POU2F3: variants seen among roughly 807,000 people sequenced by gnomAD.
POU2F3 encodes the protein POU class 2 homeobox 3.
A neutral mutation model predicts 59.2 loss-of-function variants in POU2F3; 23 were observed. That is an observed-to-expected ratio of 0.39 (90% confidence interval 0.28 to 0.55). The LOEUF is 0.55. Ranked by LOEUF, POU2F3 falls within the 20% of genes least tolerant of loss-of-function variation. The pLI is 0.66. For missense variants in POU2F3, 473 were observed against 544.5 expected (o/e 0.87, Z 1.31); for synonymous variants, 190 against 214.6 (o/e 0.89, Z 1.00).
intron 2 of POU2F3, among the ~76,000 whole-genome samples, chr11:120,254,586 C>A (rs1207692849): frequency 6.6e-6 from 1 of 152,200 alleles, no homozygotes; most frequent in Non-Finnish European, 1.5e-5. Flanking sequence ...AAAGCAGGAG[C>A]CCTTCCTCTC....
At chr11:120,305,911 C>A in intron 8 of POU2F3, 126 bp downstream of exon 8, 1 of 1,204,486 alleles carries the variant, frequency 8.3e-7, no homozygotes. Flanking sequence ...GAGACTGGAG[C>A]CGATGGAGAA....
chr11:120,286,211 C>T (rs2135247772), intron 3 of POU2F3, among the ~76,000 whole-genome samples: 1 of 152,284 alleles, frequency 6.6e-6, no homozygotes, highest in South Asian at 2.1e-4. Context: ...CATAATCTTA[C>T]TTTTCCATTC....
At chr11:120,270,978 C>T (rs1183657441) in intron 3 of POU2F3, among the ~76,000 whole-genome samples, 2 of 152,116 alleles carry the variant, frequency 1.3e-5, no homozygotes, top group Admixed American at 6.5e-5. Flanking sequence ...ACAGGTGTGA[C>T]CCACAGTGCC....
intron 6 of POU2F3, 53 bp from the exon 7 acceptor site, chr11:120,304,977 A>AAT: frequency 1.8e-6 from 2 of 1,138,520 alleles, no homozygotes; most frequent in Non-Finnish European, 2.5e-6. Context: ...AAAAATCAGA[A>AAT]AATGTTATTT....
intron 9 of POU2F3, among the ~76,000 whole-genome samples, chr11:120,307,991 A>G (rs1261054634): frequency 6.6e-6 from 1 of 152,234 alleles, no homozygotes; most frequent in African/African-American, 2.4e-5. Context: ...TCTATGCAGT[A>G]CATTTTGTAT....
intron 9 of POU2F3, 65 bp from the exon 10 acceptor site, chr11:120,309,360 G>A: frequency 6.8e-7 from 1 of 1,474,980 alleles, no homozygotes. Context: ...TGTTTCTTTG[G>A]GACCTCTGTT....
At chr11:120,317,106 T>C in intron 11 of POU2F3, 123 bp from the exon 12 acceptor site, 3 of 1,171,690 alleles carry the variant, frequency 2.6e-6, no homozygotes, top group East Asian at 2.4e-5. Flanking sequence ...TGGGTGTGGC[T>C]AGGGAGAGGG....
At chr11:120,256,383 T>C (rs959884578) in intron 2 of POU2F3, 2 of 152,198 alleles carry the variant, frequency 1.3e-5, no homozygotes, top group Non-Finnish European at 1.5e-5. Context: ...GATAATGCTA[T>C]TTGCTATTAT....
chr11:120,247,234 C>A (rs1232588861), intron 2 of POU2F3, among the ~76,000 whole-genome samples: 1 of 152,168 alleles, frequency 6.6e-6, no homozygotes, highest in South Asian at 2.1e-4. Context: ...AATTGTAGCA[C>A]CACCAAATAA....
At chr11:120,242,831 CAG>C (rs1938721364) in intron 1 of POU2F3, among the ~76,000 whole-genome samples, 1 of 152,194 alleles carries the variant, frequency 6.6e-6, no homozygotes, top group South Asian at 2.1e-4. Flanking sequence ...TCACCAGACA[CAG>C]GGGCTCTGCA....
intron 3 of POU2F3, among the ~76,000 whole-genome samples, chr11:120,292,183 T>G (rs996355594): frequency 6.6e-6 from 1 of 151,970 alleles, no homozygotes; most frequent in South Asian, 2.1e-4. Context: ...CAGAGATGAG[T>G]GAAGTAATGT....
At chr11:120,275,050 G>A (rs1418945078) in intron 3 of POU2F3, among the ~76,000 whole-genome samples, 1 of 152,198 alleles carries the variant, frequency 6.6e-6, no homozygotes, top group Admixed American at 6.5e-5. Flanking sequence ...CAGTGAGAGT[G>A]GATGTCAAGC....
At chr11:120,264,918 T>C (rs1421387904) in intron 2 of POU2F3, among the ~76,000 whole-genome samples, 1 of 152,228 alleles carries the variant, frequency 6.6e-6, no homozygotes, top group Non-Finnish European at 1.5e-5. Context: ...TCTTCCTTTC[T>C]CTGGGAAAGA....
At chr11:120,315,058 G>T (rs1941746934) in intron 10 of POU2F3, among the ~76,000 whole-genome samples, 1 of 152,240 alleles carries the variant, frequency 6.6e-6, no homozygotes. Context: ...GGGCTCTCAG[G>T]CAAGGCAGCC....
At chr11:120,276,317 G>A (rs1207368462) in intron 3 of POU2F3, among the ~76,000 whole-genome samples, 6 of 152,208 alleles carry the variant, frequency 3.9e-5, no homozygotes, top group Admixed American at 3.9e-4. Flanking sequence ...TCCCAGCCCA[G>A]TGGGGAAGAT....
intron 1 of POU2F3, among the ~76,000 whole-genome samples, chr11:120,242,668 C>G (rs1938714464): frequency 6.6e-6 from 1 of 152,160 alleles, no homozygotes; most frequent in Non-Finnish European, 1.5e-5. Context: ...TCCAAGGGCT[C>G]CACTCGCACT....
At chr11:120,306,209 G>A (rs1179009073) in intron 8 of POU2F3, among the ~76,000 whole-genome samples, 1 of 152,202 alleles carries the variant, frequency 6.6e-6, no homozygotes, top group Non-Finnish European at 1.5e-5. Flanking sequence ...GCACGACACA[G>A]GGTCTTTCCC....
chr11:120,310,531 G>A (rs891583633), intron 10 of POU2F3, among the ~76,000 whole-genome samples: 1 of 152,164 alleles, frequency 6.6e-6, no homozygotes, highest in African/African-American at 2.4e-5. Flanking sequence ...TGAAGTTCTA[G>A]GGAGACAATG....
upstream of POU2F3, among the ~76,000 whole-genome samples, chr11:120,238,442 G>T (rs1220603227): frequency 1.3e-5 from 2 of 151,274 alleles, no homozygotes; most frequent in African/African-American, 4.8e-5. Flanking sequence ...CCCTGTTCTA[G>T]GTGCTGGGGT....
Sources: gnomAD v4.1 joint callset for allele counts (sites outside exome capture counted in the v4.1 genomes callset) on GRCh38, gnomAD v4.1.1 for gene constraint, MANE v1.5 for transcripts, NCBI Gene and HGNC (gene_info 2026-07-23, HGNC 2026-07-21) for gene names.